Variants in BAZ2B observed in about 807,000 individuals in gnomAD.
BAZ2B encodes the protein bromodomain adjacent to zinc finger domain 2B.
Under a neutral mutation model 246.0 loss-of-function variants are expected in BAZ2B, and 91 were observed. The observed-to-expected ratio is 0.37, with a 90% CI of 0.31 to 0.44. BAZ2B has a LOEUF of 0.44. Among genes scored for constraint, BAZ2B ranks in the 20% least tolerant of loss-of-function variants. The pLI, the probability that BAZ2B is intolerant of heterozygous loss-of-function variation, is 1.00. For synonymous variants in BAZ2B, 855 were observed against 860.0 expected, an observed-to-expected ratio of 0.99 and a Z score of 0.10; for missense variants, 2,332 against 2,533.7, an observed-to-expected ratio of 0.92 and a Z score of 1.71.
chr2:159,347,105 G>A (rs1015007900), intron 31 of BAZ2B, among the ~76,000 whole-genome samples: 2 of 152,106 alleles, frequency 1.3e-5, no homozygotes, highest in East Asian at 3.9e-4. Context: ...CACTACAATA[G>A]GAGTTTGATA....
intron 1 of BAZ2B, among the ~76,000 whole-genome samples, chr2:159,604,920 A>T (rs1299136816): frequency 7.3e-6 from 1 of 136,678 alleles, no homozygotes; most frequent in Non-Finnish European, 1.6e-5. Context: ...AGAACTGAAA[A>T]GTTAATATAT....
chr2:159,430,735 CT>C (rs2070942437), intron 10 of BAZ2B, 127 bp downstream of exon 10: 3 of 1,428,598 alleles, frequency 2.1e-6, no homozygotes, highest in South Asian at 1.5e-5. Flanking sequence ...GCTCACCTTC[CT>C]TAGCCAACCT....
upstream of BAZ2B, among the ~76,000 whole-genome samples, chr2:159,618,190 G>A (rs1056925049): frequency 2.0e-5 from 3 of 151,968 alleles, no homozygotes; most frequent in Non-Finnish European, 4.4e-5. Flanking sequence ...ATTAAAAACT[G>A]GAATCTTCCA....
chr2:159,551,216 T>A (rs1386971185), intron 2 of BAZ2B, among the ~76,000 whole-genome samples: 2 of 152,028 alleles, frequency 1.3e-5, no homozygotes, highest in African/African-American at 4.8e-5. Flanking sequence ...ACGCCTATAA[T>A]CCCAGCACTT....
At chr2:159,670,917 T>C in the BAZ2B span, 1 of 152,198 alleles carries the variant, frequency 6.6e-6, no homozygotes, top group Non-Finnish European at 1.5e-5. Context: ...GACTGACTGA[T>C]TTATTGTTTC....
intron 4 of BAZ2B, among the ~76,000 whole-genome samples, chr2:159,449,380 A>G (rs12988312): frequency 0.36 from 55,464 of 152,006 alleles, 10,910 homozygotes; most frequent in Non-Finnish European, 0.46. Flanking sequence ...ATTGACTGTG[A>G]CAACCATAAG....
intron 29 of BAZ2B, 75 bp downstream of exon 29, chr2:159,348,932 A>G: frequency 2.6e-6 from 4 of 1,558,560 alleles, no homozygotes; most frequent in East Asian, 2.3e-5. Flanking sequence ...AGAACCATCA[A>G]ATATTCAGTT....
At chr2:159,600,139 G>T (rs1215225357) in intron 1 of BAZ2B, among the ~76,000 whole-genome samples, 7 of 152,038 alleles carry the variant, frequency 4.6e-5, no homozygotes, top group Admixed American at 1.3e-4. Context: ...TTTAGTAGTT[G>T]TACATAGTGC....
chr2:159,375,339 T>C (rs974566431), intron 25 of BAZ2B, among the ~76,000 whole-genome samples: 3 of 152,188 alleles, frequency 2.0e-5, no homozygotes, highest in African/African-American at 7.2e-5. Flanking sequence ...AGTGGAAATG[T>C]ATACCAAGGG....
chr2:159,438,705 A>C lies in BAZ2B; in HGVS notation c.901-10T>G. On this transcript the variant is annotated splice_polypyrimidine_tract_variant and intron_variant, in intron 7 of 36. Coordinates refer to ENST00000392783, the MANE Select transcript of BAZ2B (RefSeq NM_013450.4). ...TACCATGTAATAGCACCTAGATATA[A>C]AAATGAAAAGGTAAGTTCCTAACAT... The C allele has an allele frequency of 1.3e-6, 2 of 1,564,472 alleles. No homozygotes were observed. The highest frequency in any genetic ancestry group is 1.7e-6 in the Non-Finnish European group (2 of 1,164,342).
chr2:159,556,095 T>C (rs1201553775), intron 1 of BAZ2B, among the ~76,000 whole-genome samples: 4 of 152,182 alleles, frequency 2.6e-5, no homozygotes, highest in Non-Finnish European at 4.4e-5. Flanking sequence ...TTTTTGTTTA[T>C]AATCACCAAC....
chr2:159,625,352 A>G, the BAZ2B span, among the ~76,000 whole-genome samples: 1 of 152,164 alleles, frequency 6.6e-6, no homozygotes, highest in African/African-American at 2.4e-5. Flanking sequence ...CCTCAAGAAG[A>G]GCAACCCCAA....
intron 6 of BAZ2B, among the ~76,000 whole-genome samples, chr2:159,446,498 T>C (rs937772653): frequency 6.6e-6 from 1 of 152,206 alleles, no homozygotes; most frequent in African/African-American, 2.4e-5. Flanking sequence ...TGCTTCTCCA[T>C]TTGTAATAAC....
chr2:159,388,848 C>T (rs1280457649), intron 21 of BAZ2B, among the ~76,000 whole-genome samples: 3 of 152,054 alleles, frequency 2.0e-5, no homozygotes, highest in African/African-American at 7.2e-5. Context: ...GGCTGTATCA[C>T]TTGAGCCCAG....
At chr2:159,339,461 T>A (rs1365891345) in intron 31 of BAZ2B, among the ~76,000 whole-genome samples, 1 of 151,990 alleles carries the variant, frequency 6.6e-6, no homozygotes, top group South Asian at 2.1e-4. Context: ...CTGAAAAAAG[T>A]GAGATCAAGA....
chr2:159,680,180 G>T, the BAZ2B span, among the ~76,000 whole-genome samples: 2 of 152,040 alleles, frequency 1.3e-5, no homozygotes, highest in Admixed American at 6.6e-5. Context: ...GTATACAAGA[G>T]AAAAAAGTAT....
the BAZ2B span, among the ~76,000 whole-genome samples, chr2:159,621,933 C>T: frequency 6.6e-6 from 1 of 152,046 alleles, no homozygotes; most frequent in Admixed American, 6.6e-5. Flanking sequence ...GGAGAAACCC[C>T]CATCTCTACC....
chr2:159,571,712 T>C (rs879666379), intron 1 of BAZ2B, among the ~76,000 whole-genome samples: 1 of 152,178 alleles, frequency 6.6e-6, no homozygotes, highest in Non-Finnish European at 1.5e-5. Flanking sequence ...TTGCTCACAG[T>C]TCTGGAGGCT....
intron 6 of BAZ2B, among the ~76,000 whole-genome samples, chr2:159,440,543 G>GTCTCGC (rs1437544319): frequency 7.0e-6 from 1 of 143,010 alleles, no homozygotes; most frequent in Non-Finnish European, 1.5e-5. Flanking sequence ...TTCGGGGACA[G>GTCTCGC]TCTCGCTCTG....
Sources: gnomAD v4.1 joint callset for allele counts (sites outside exome capture counted in the v4.1 genomes callset) on GRCh38, gnomAD v4.1.1 for gene constraint, MANE v1.5 for transcripts, NCBI Gene and HGNC (gene_info 2026-07-23, HGNC 2026-07-21) for gene names.